Variants in SMPD1 observed in about 807,000 individuals in gnomAD.
SMPD1 encodes sphingomyelin phosphodiesterase 1.
A neutral mutation model predicts 49.7 loss-of-function variants in SMPD1; 47 were observed. The ratio of observed to expected loss-of-function variants is 0.95; its 90% CI spans 0.75 to 1.21. The LOEUF (loss-of-function observed/expected upper bound fraction) is 1.21, where lower values mean the gene tolerates loss of function less well. Ranked by LOEUF, SMPD1 falls within the 50% of genes most tolerant of loss-of-function variation. The pLI, the probability that SMPD1 is intolerant of heterozygous loss-of-function variation, is 0.00. For synonymous variants in SMPD1, 336 were observed against 339.6 expected (o/e 0.99, Z 0.12); for missense variants, 811 against 822.2 (o/e 0.99, Z 0.17).
At position 6,392,053 on chromosome 11, in the gene SMPD1, C is replaced by T; in HGVS notation, c.988C>T (p.Pro330Ser). Residue 330 changes from proline (P) to serine (S), a missense_variant, in exon 2 of 6, where the codon CCT (proline) becomes TCT (serine). By Grantham distance (74) the Pro-to-Ser change is moderately conservative (BLOSUM62 -1). Coordinates refer to ENST00000342245, the MANE Select transcript of SMPD1 (RefSeq NM_000543.5). ...TGAAAGCACACCTGTCAATAGCTTC[C>T]CTCCCCCCTTCATTGAGGGCAACCA... ...NHESTPVNSF[P>S]PPFIEGNHSS... The T allele has an allele frequency of 6.2e-7, 1 of 1,614,158 alleles. No homozygotes were observed. The highest frequency in any genetic ancestry group is 1.1e-5 in the South Asian group (1 of 91,076).
Position 6,394,709 on chromosome 11 carries a change from C to A in SMPD1, c.*102C>A. 1.0e-6 allele frequency: 1 copy of A among 997,150 alleles called. No homozygotes were observed. Among genetic ancestry groups the A allele is most frequent in the Non-Finnish European group, 1.5e-6 (1 of 656,940 alleles). 61.8% of individuals were successfully genotyped at this position (997,150 alleles called of 1,614,324 possible). On this transcript the variant is annotated 3_prime_UTR_variant, in exon 6 of 6. Coordinates refer to ENST00000342245, the MANE Select transcript of SMPD1 (RefSeq NM_000543.5). ...CAGGCAAGATCATCCGGTGAAAGAA[C>A]CAGTCCCTGGGCCCCAAGGATGCCG... is the stretch of plus-strand genomic sequence containing the variant.
rs1848087296 is a variant in SMPD1, at chr11:6,394,305, A to G, written c.1594A>G (p.Ile532Val). 1.2e-6 allele frequency: 2 copies of G among 1,614,230 alleles called. No homozygotes were observed. The highest frequency in any genetic ancestry group is 8.5e-7 in the Non-Finnish European group (1 of 1,180,028). The part of the protein sequence containing the change: ...NLTQANIPGA[I>V]PHWQLLYRAR... Reference sequence around the variant, plus strand: ...GACCCAGGCAAACATACCGGGAGCCATACCGCACTGGCAGCTTCTCTACAG... The same window carrying G: ...GACCCAGGCAAACATACCGGGAGCCGTACCGCACTGGCAGCTTCTCTACAG... Residue 532 changes from isoleucine (I) to valine (V), a missense_variant, in exon 6 of 6, where the codon ATA becomes GTA. Ile to Val is a conservative substitution (Grantham distance 29, BLOSUM62 3). Transcript: ENST00000342245.
chr11:6,392,534 G>T (rs180769225), intron 2 of SMPD1, among the ~76,000 whole-genome samples: 1 of 105,264 alleles, frequency 9.5e-6, no homozygotes, highest in Admixed American at 1.5e-4. Context: ...ATCTTGCTCT[G>T]TTGCCCAGGC....
In SMPD1 at chr11:6,390,507, T is replaced by A. The variant is rs1847848131; in HGVS notation, c.-92T>A. 26 of 1,546,618 alleles carry A rather than the reference T, an allele frequency of 1.7e-5. No homozygotes were observed. The highest frequency in any genetic ancestry group is 2.2e-5 in the Non-Finnish European group (25 of 1,148,120). ...GACTACAGAGAAGGGTAATCGGGTG[T>A]CCCCGGCGCCGCCCGGGGCCCTGAG... On this transcript the variant is annotated 5_prime_UTR_variant, in exon 1 of 6. Transcript: ENST00000342245.
Position 6,390,671 on chromosome 11 carries a change from G to A in SMPD1, c.73G>A (p.Ala25Thr), listed in dbSNP as rs758894722. Residue 25 changes from alanine to threonine, a missense_variant, in exon 1 of 6, where the codon GCC (alanine) becomes ACC (threonine). By Grantham distance (58) the Ala-to-Thr change is moderately conservative. Coordinates refer to ENST00000342245, the MANE Select transcript of SMPD1 (RefSeq NM_000543.5). ...SGREQGQDGT[A>T]GAPGLLWMGL... ...CCGGGAGCAGGGACAAGACGGGACCGCCGGAGCCCCCGGACTCCTTTGGAT... is the reference window on the plus strand; with the variant it reads ...CCGGGAGCAGGGACAAGACGGGACCACCGGAGCCCCCGGACTCCTTTGGAT... 1.9e-6 allele frequency: 3 copies of A among 1,612,870 alleles called. No individual in the cohort carries two copies. The highest frequency in any genetic ancestry group is 2.5e-6 in the Non-Finnish European group (3 of 1,179,716).
chr11:6,391,501 G>A lies in SMPD1; in HGVS notation c.436G>A (p.Glu146Lys). ...CCACCTCTTTGAGGATGACATGGTG[G>A]AGGTGTGGAGACGCTCAGTGCTGAG... ...IVHLFEDDMV[E>K]VWRRSVLSPS... Residue 146 changes from glutamate to lysine, a missense_variant, in exon 2 of 6, where the codon GAG (glutamate) becomes AAG (lysine). Glu to Lys is a moderately conservative substitution (Grantham distance 56). Transcript: ENST00000342245. The A allele has an allele frequency of 6.2e-7, 1 of 1,614,042 alleles. No homozygotes were observed. The highest frequency in any genetic ancestry group is 8.5e-7 in the Non-Finnish European group (1 of 1,180,030).
At chr11:6,392,744 C>T (rs987306524) in intron 2 of SMPD1, among the ~76,000 whole-genome samples, 1 of 151,874 alleles carries the variant, frequency 6.6e-6, no homozygotes, top group Non-Finnish European at 1.5e-5. Context: ...CTGCCCACCT[C>T]GGCCTCCCAA....
rs538875655 is a variant in SMPD1 at position 6,393,612 on chromosome 11, A to G, written c.1264-5A>G. Reference sequence around the variant, plus strand: ...CTGATTACCATCCTTAATTCTCCCTACTAGGTGCATATAATTGGCCACATT... The same window carrying G: ...CTGATTACCATCCTTAATTCTCCCTGCTAGGTGCATATAATTGGCCACATT... On this transcript the variant is annotated splice_polypyrimidine_tract_variant and splice_region_variant and intron_variant, in intron 3 of 5. Coordinates refer to ENST00000342245, the MANE Select transcript of SMPD1 (RefSeq NM_000543.5). The G allele has an allele frequency of 1.2e-6, 2 of 1,609,556 alleles. No homozygotes were observed. Among genetic ancestry groups the G allele is most frequent in the Non-Finnish European group, 1.7e-6 (2 of 1,175,962 alleles).
intron 2 of SMPD1, 160 bp downstream of exon 2, chr11:6,392,316 T>G (rs936050501): frequency 2.9e-6 from 2 of 697,548 alleles, no homozygotes; most frequent in African/African-American, 3.7e-5. Flanking sequence ...TTCTACTGTT[T>G]TGCCGCACCA....
rs1251665959 is a variant in SMPD1 at position 6,390,860 on chromosome 11, A to T, written c.262A>T (p.Asn88Tyr). The part of the protein sequence containing the change: ...PRLRDVFGWG[N>Y]LTCPICKGLF... ...GCTCCGAGATGTCTTTGGGTGGGGG[A>T]ACCTCACCTGCCCAATCTGCAAAGG... The change falls in exon 1 of 6, where the codon AAC becomes TAC. Residue 88 changes from asparagine (N) to tyrosine (Y), a missense_variant. Transcript: ENST00000342245. 6.2e-7 allele frequency: 1 copy of T among 1,613,668 alleles called. No homozygotes were observed. The highest frequency in any genetic ancestry group is 2.2e-5 in the East Asian group (1 of 44,848).
Position 6,393,301 on chromosome 11 carries a change from T to C in SMPD1, c.1177T>C (p.Trp393Arg). The change falls in exon 3 of 6, where the codon TGG becomes CGG. Residue 393 changes from tryptophan (W) to arginine (R), a missense_variant. Coordinates refer to ENST00000342245, the MANE Select transcript of SMPD1 (RefSeq NM_000543.5). Reference protein sequence around the residue: ...NMNFCSRENFWLLINSTDPAG... With the variant: ...NMNFCSRENFRLLINSTDPAG... ...GAATTTTTGTTCCCGTGAGAACTTC[T>C]GGCTCTTGATCAACTCCACGGATCC... 6.2e-7 allele frequency: 1 copy of C among 1,614,032 alleles called. No homozygotes were observed. Among genetic ancestry groups the C allele is most frequent in the South Asian group, 1.1e-5 (1 of 91,088 alleles).
At position 6,394,259 on chromosome 11, in the gene SMPD1, T is replaced by C. The variant is rs1590747902; in HGVS notation, c.1548T>C (p.His516=). ...YSGSSHVVLD[H]ETYILNLTQA... ...GGAGCTCTCACGTGGTCCTGGACCATGAGACCTACATCCTGAATCTGACCC... is the reference window on the plus strand; with the variant it reads ...GGAGCTCTCACGTGGTCCTGGACCACGAGACCTACATCCTGAATCTGACCC... The change falls in exon 6 of 6, where the codon CAT becomes CAC. Residue 516 remains histidine (H), a synonymous_variant. Coordinates refer to ENST00000342245, the MANE Select transcript of SMPD1 (RefSeq NM_000543.5). 1.9e-6 allele frequency: 3 copies of C among 1,614,126 alleles called. No individual in the cohort carries two copies. The highest frequency in any genetic ancestry group is 2.5e-6 in the Non-Finnish European group (3 of 1,179,978).
At chr11:6,393,041 G>C (rs12284348) in intron 2 of SMPD1, among the ~76,000 whole-genome samples, 175 bp from the exon 3 acceptor site, 1 of 152,038 alleles carries the variant, frequency 6.6e-6, no homozygotes, top group African/African-American at 2.4e-5. Context: ...TCTGCCCTCA[G>C]AGTCTTTTGT....
Position 6,390,726 on chromosome 11 carries a change from T to C in SMPD1, c.128T>C (p.Leu43Pro), listed in dbSNP as rs1255290838. ...CTGGTGCTGGCGCTGGCGCTGGCGC[T>C]GGCGCTGGCGCTGGCTCTGTCTGAC... ...MGLVLALALA[L>P]ALALALSDSR... The change falls in exon 1 of 6, where the codon CTG (leucine) becomes CCG (proline). Residue 43 changes from leucine to proline, a missense_variant. Physicochemically the swap from Leu to Pro is moderately conservative, Grantham distance 98. Coordinates refer to ENST00000342245, the MANE Select transcript of SMPD1 (RefSeq NM_000543.5). 6.2e-7 allele frequency: 1 copy of C among 1,611,178 alleles called. No homozygotes were observed. Among genetic ancestry groups the C allele is most frequent in the Admixed American group, 1.7e-5 (1 of 59,864 alleles).
In SMPD1 at chr11:6,394,931, C is replaced by T; in HGVS notation, c.*324C>T. 1 of 420,276 alleles carries T rather than the reference C, an allele frequency of 2.4e-6. No individual in the cohort carries two copies. The highest frequency in any genetic ancestry group is 4.3e-6 in the Non-Finnish European group (1 of 231,462). 26.0% of individuals were successfully genotyped at this position (420,276 alleles called of 1,614,324 possible). A position where few individuals can be genotyped will look rare whatever the true frequency, so the allele number is the denominator to read the frequency against. On this transcript the variant is annotated 3_prime_UTR_variant, in exon 6 of 6. Coordinates refer to ENST00000342245, the MANE Select transcript of SMPD1 (RefSeq NM_000543.5). ...AGGCCTGTGCTGCCCAGCCAGGAAC[C>T]CTGTACTGCTGCTGCGACCTGATGC... is the stretch of plus-strand genomic sequence containing the variant.
rs2134013240 is a variant in SMPD1, at chr11:6,392,130, GCCTGCCGAAGC to G, written c.1071_1081del (p.Glu358HisfsTer29). On this transcript the variant is annotated frameshift_variant, in exon 2 of 6. Coordinates refer to ENST00000342245, the MANE Select transcript of SMPD1 (RefSeq NM_000543.5). LOFTEE classifies it high-confidence loss of function. ...TGGCCAAGGCTTGGGAGCCCTGGCT[GCCTGCCGAAGC>G]CCTGCGCACCCTCAGGTACTTATCG... 1 of 1,614,134 alleles carries G rather than the reference GCCTGCCGAAGC, an allele frequency of 6.2e-7. No homozygotes were observed. The highest frequency in any genetic ancestry group is 1.1e-5 in the South Asian group (1 of 91,084).
chr11:6,390,838 C>G lies in SMPD1; in HGVS notation c.240C>G (p.Leu80=). The change falls in exon 1 of 6, where the codon CTC becomes CTG. Residue 80 remains leucine, a synonymous_variant. Transcript: ENST00000342245. ...PARLHRIVPR[L]RDVFGWGNLT... ...GGTTACATCGCATAGTGCCCCGGCTCCGAGATGTCTTTGGGTGGGGGAACC... is the reference window on the plus strand; with the variant it reads ...GGTTACATCGCATAGTGCCCCGGCTGCGAGATGTCTTTGGGTGGGGGAACC... The G allele has an allele frequency of 6.2e-7, 1 of 1,614,144 alleles. No homozygotes were observed.
At chr11:6,392,289 C>A in intron 2 of SMPD1, 133 bp downstream of exon 2, 3 of 847,440 alleles carry the variant, frequency 3.5e-6, no homozygotes, top group African/African-American at 1.7e-5. Flanking sequence ...CTCCCCTAAT[C>A]TGACTCCTCC....
chr11:6,392,307 T>A, intron 2 of SMPD1, 151 bp downstream of exon 2: 1 of 763,864 alleles, frequency 1.3e-6, no homozygotes. Context: ...TCCTTCCCTT[T>A]CTACTGTTTT....
Sources: allele counts gnomAD v4.1 joint callset (sites outside exome capture counted in the v4.1 genomes callset), GRCh38; gene constraint gnomAD v4.1.1; transcripts MANE v1.5; gene names NCBI Gene and HGNC (gene_info 2026-07-23, HGNC 2026-07-21).